Variants in NF1 observed in about 807,000 individuals in gnomAD.
NF1 encodes the protein neurofibromin 1, also known as neurofibromin.
Under a neutral mutation model 325.7 loss-of-function variants are expected in NF1, and 122 were observed. That is an observed-to-expected ratio of 0.37 (90% CI 0.32 to 0.44). NF1 has a LOEUF of 0.44. Ranked by LOEUF, NF1 falls within the 20% of genes least tolerant of loss-of-function variation. The probability of loss-of-function intolerance (pLI) is 1.00; values close to 1 mark genes in which losing one functional copy is unlikely to be tolerated. For missense variants in NF1, 2,140 were observed against 3,415.4 expected (o/e 0.63, Z 9.31); for synonymous variants, 1,091 against 1,186.0 (o/e 0.92, Z 1.65).
In NF1 at chr17:31,182,676, CA is replaced by C. The variant is rs2143787260; in HGVS notation, c.888+15del. On this transcript the variant is annotated intron_variant, in intron 8 of 57. Coordinates refer to ENST00000358273, the MANE Select transcript of NF1 (RefSeq NM_001042492.3). ...AACAACATGAATAAGGTAAGGAGGG[CA>C]AAATTATTTCCATTATATCTAGATG... The C allele has an allele frequency of 6.2e-7, 1 of 1,609,966 alleles. No homozygotes were observed. Among genetic ancestry groups the C allele is most frequent in the Non-Finnish European group, 8.5e-7 (1 of 1,177,956 alleles).
rs150015024 is a variant in NF1 at position 31,232,145 on chromosome 17, A to C, written c.3270A>C (p.Gly1090=). The C allele has an allele frequency of 1.3e-4, 208 of 1,596,900 alleles. 2 individuals are homozygous for C. In the African/African-American group the frequency reaches 2.7e-3, roughly 20 times the overall value. Reference sequence around the variant, plus strand: ...GTCTCCCTCTGCAGCCTGAAGAAGGAGATGGTGTGGAATTGATGGAAGCCA... The same window carrying C: ...GTCTCCCTCTGCAGCCTGAAGAAGGCGATGGTGTGGAATTGATGGAAGCCA... ...LAGLPLQPEE[G]DGVELMEAKS... is the part of the protein sequence containing the mutation. Residue 1090 remains glycine, a synonymous_variant, in exon 25 of 58, where the codon GGA becomes GGC. Coordinates refer to ENST00000358273, the MANE Select transcript of NF1 (RefSeq NM_001042492.3).
At chr17:31,124,165 CA>C (rs1914666671) in intron 1 of NF1, among the ~76,000 whole-genome samples, 2 of 152,080 alleles carry the variant, frequency 1.3e-5, no homozygotes, top group South Asian at 4.1e-4. Flanking sequence ...TACAGTTTAA[CA>C]TTTTTACATA....
chr17:31,338,634 C>T (rs1308495882), intron 45 of NF1, 70 bp from the exon 46 acceptor site: 27 of 970,102 alleles, frequency 2.8e-5, no homozygotes, highest in African/African-American at 8.0e-5. Context: ...GAATTCATTC[C>T]GAGATTCAGT....
At chr17:31,252,777 A>G (rs911373194) in intron 30 of NF1, 161 bp from the exon 31 acceptor site, 15 of 639,688 alleles carry the variant, frequency 2.3e-5, no homozygotes, top group South Asian at 1.1e-4. Flanking sequence ...ATTAAAACCC[A>G]GAATTAAAAT....
intron 50 of NF1, among the ~76,000 whole-genome samples, chr17:31,352,032 G>A (rs1422168403): frequency 2.0e-5 from 3 of 151,924 alleles, no homozygotes; most frequent in Admixed American, 2.0e-4. Context: ...AGATCTTTTT[G>A]TTCAGCATTT....
chr17:31,187,498 C>G (rs149178019), intron 8 of NF1, among the ~76,000 whole-genome samples: 12 of 152,140 alleles, frequency 7.9e-5, no homozygotes, highest in Non-Finnish European at 1.8e-4. Context: ...CCTGGCCACA[C>G]TGGTCTTAAC....
chr17:31,298,762 A>G (rs920977991), intron 36 of NF1, among the ~76,000 whole-genome samples: 5 of 152,120 alleles, frequency 3.3e-5, no homozygotes, highest in South Asian at 2.1e-4. Flanking sequence ...ACATTCAGCA[A>G]TATTGTGGAA....
At chr17:31,234,114 T>C (rs1330074999) in intron 27 of NF1, among the ~76,000 whole-genome samples, 1 of 149,240 alleles carries the variant, frequency 6.7e-6, no homozygotes, top group East Asian at 2.0e-4. Context: ...TGAGAACACC[T>C]GGCATGAGAT....
intron 12 of NF1, 56 bp downstream of exon 12, chr17:31,206,427 T>C: frequency 6.2e-7 from 1 of 1,603,694 alleles, no homozygotes; most frequent in East Asian, 2.2e-5. Flanking sequence ...TTTTTTTTAG[T>C]GTCTTTATCC....
At chr17:31,316,881 A>T (rs769524427) in intron 36 of NF1, among the ~76,000 whole-genome samples, 1 of 152,174 alleles carries the variant, frequency 6.6e-6, no homozygotes. Context: ...CATTTTAATA[A>T]TAGCTAGACG....
Position 31,248,980 on chromosome 17 carries a change from G to A in NF1, c.3975-4G>A, listed in dbSNP as rs760207624. On this transcript the variant is annotated splice_region_variant and splice_polypyrimidine_tract_variant and intron_variant, in intron 29 of 57. Coordinates refer to ENST00000358273, the MANE Select transcript of NF1 (RefSeq NM_001042492.3). The stretch of plus-strand genomic sequence containing the variant: ...GTTAGGATTTTATTTTTATTTTTTT[G>A]TAGGTTAGAACCATCAGAGAGCCTT... 12 of 1,612,740 alleles carry A rather than the reference G, an allele frequency of 7.4e-6. No homozygotes were observed. The East Asian group carries it at 2.0e-4, about 27-fold the overall frequency.
chr17:31,308,826 C>T (rs1387588086), intron 36 of NF1, among the ~76,000 whole-genome samples: 1 of 152,110 alleles, frequency 6.6e-6, no homozygotes, highest in Non-Finnish European at 1.5e-5. Context: ...TTTATGGTTC[C>T]TTACATAATT....
chr17:31,288,629 C>T (rs1282204779), intron 36 of NF1, among the ~76,000 whole-genome samples: 1 of 151,266 alleles, frequency 6.6e-6, no homozygotes. Flanking sequence ...CTCCGCCTCC[C>T]GGGTTCAAGC....
chr17:31,304,457 C>T (rs1000448883), intron 36 of NF1: 1 of 1,614,010 alleles, frequency 6.2e-7, no homozygotes, highest in African/African-American at 1.3e-5. Context: ...TTATGATCTC[C>T]ACAGTCTTGA....
At position 31,332,735 on chromosome 17, in the gene NF1, G is replaced by A. The variant is rs1436268183; in HGVS notation, c.5813-2103G>A. ...CAATGCTATCCCTCCCCCCTCCCCC[G>A]ACCCCACCACAGTCCCCAGAGTGTG... On this transcript the variant is annotated intron_variant, in intron 39 of 57. Coordinates refer to ENST00000358273, the MANE Select transcript of NF1 (RefSeq NM_001042492.3). Among the ~76,000 whole-genome samples the A allele has an allele frequency of 1.7e-4, 3 of 17,672 alleles. 1 individual carries two copies. Among genetic ancestry groups the A allele is most frequent in the Non-Finnish European group, 4.3e-4 (3 of 6,996 alleles). 11.6% of individuals were successfully genotyped at this position (17,672 alleles called of 152,430 possible). A position where few individuals can be genotyped will look rare whatever the true frequency, so the allele number is the denominator to read the frequency against.
At chr17:31,095,393 A>T in intron 1 of NF1, 24 bp downstream of exon 1, 1 of 1,529,540 alleles carries the variant, frequency 6.5e-7, no homozygotes, top group Non-Finnish European at 8.8e-7. Context: ...GGCGGGCGGG[A>T]GGTGGGAGCG....
At chr17:31,221,271 T>A (rs1356264546) in intron 14 of NF1, among the ~76,000 whole-genome samples, 1 of 152,148 alleles carries the variant, frequency 6.6e-6, no homozygotes, top group Non-Finnish European at 1.5e-5. Context: ...TAGTGTTCTC[T>A]GAGCCAGATT....
intron 8 of NF1, among the ~76,000 whole-genome samples, chr17:31,198,350 A>G (rs2066469357): frequency 6.6e-6 from 1 of 152,182 alleles, no homozygotes; most frequent in Admixed American, 6.5e-5. Context: ...CATTCTTTAA[A>G]TGTTGGGTGG....
intron 1 of NF1, among the ~76,000 whole-genome samples, chr17:31,108,470 TTTG>T (rs1415586982): frequency 6.6e-6 from 1 of 151,864 alleles, no homozygotes; most frequent in Non-Finnish European, 1.5e-5. Flanking sequence ...GAGACAGGGT[TTTG>T]TCATATTGTG....
Sources: gnomAD v4.1 joint callset for allele counts (sites outside exome capture counted in the v4.1 genomes callset) on GRCh38, gnomAD v4.1.1 for gene constraint, MANE v1.5 for transcripts, NCBI Gene and HGNC (gene_info 2026-07-23, HGNC 2026-07-21) for gene names.